USH2A: variants seen among roughly 807,000 people sequenced by gnomAD.
USH2A encodes the protein Usher syndrome 2A (autosomal recessive, mild).
Under a neutral mutation model 538.9 loss-of-function variants are expected in USH2A, and 443 were observed. The observed-to-expected ratio is 0.82, with a 90% CI of 0.76 to 0.89. USH2A has a LOEUF of 0.89. USH2A is among the 40% of genes least tolerant of loss of function. USH2A has a pLI of 0.00. For missense variants in USH2A, 6,633 were observed against 6,324.8 expected (o/e 1.05, Z -1.65); for synonymous variants, 2,413 against 2,273.5 (o/e 1.06, Z -1.75).
intron 64 of USH2A, among the ~76,000 whole-genome samples, chr1:215,670,590 G>A (rs573568862): frequency 1.3e-5 from 2 of 152,206 alleles, no homozygotes; most frequent in African/African-American, 4.8e-5. Context: ...GGCTAGAGAT[G>A]TTTGCTATTT....
At chr1:215,874,083 A>T (rs1011643847) in intron 43 of USH2A, among the ~76,000 whole-genome samples, 7 of 152,176 alleles carry the variant, frequency 4.6e-5, no homozygotes, top group African/African-American at 1.7e-4. Flanking sequence ...AAAATTGTGA[A>T]GGTAGATTGA....
chr1:216,349,998 C>T (rs1029342409), intron 4 of USH2A, among the ~76,000 whole-genome samples: 2 of 152,074 alleles, frequency 1.3e-5, no homozygotes, highest in Non-Finnish European at 2.9e-5. Flanking sequence ...AAGGATAGTG[C>T]TAATATCTGT....
rs1222734736 is a variant in USH2A at position 216,312,524 on chromosome 1, GAC to G, written c.1644+9357_1644+9358del. On this transcript the variant is annotated intron_variant, in intron 9 of 71. Transcript: ENST00000307340. ...CCTTTCTATTTTGGTAGTCTCTATT[GAC>G]ACATCTTCAAACTCAGATTCTTTTA... Among the ~76,000 whole-genome samples, 5 of 151,646 alleles carry G rather than the reference GAC, an allele frequency of 3.3e-5. No homozygotes were observed. The East Asian group carries it at 9.7e-4, about 29-fold the overall frequency.
chr1:216,355,111 C>G (rs2038358579), intron 4 of USH2A, among the ~76,000 whole-genome samples: 1 of 151,820 alleles, frequency 6.6e-6, no homozygotes, highest in African/African-American at 2.4e-5. Context: ...AGTTCGAGAC[C>G]AGCCTGGCCA....
intron 21 of USH2A, among the ~76,000 whole-genome samples, chr1:216,150,189 C>T (rs1439625181): frequency 3.3e-5 from 5 of 152,132 alleles, no homozygotes; most frequent in African/African-American, 1.2e-4. Context: ...ATGCCCTACT[C>T]TTGTTTACAC....
chr1:215,782,904 CTCATATG>C lies in USH2A; in HGVS notation c.10412_10418del (p.Thr3471SerfsTer18), dbSNP rs1558095849. ...AGCTGTTCCAGGCAGAAATCCTGTACTCATATGTCATGTAGGGCTTGAGGTTCACATC... is the reference window on the plus strand; with the variant it reads ...AGCTGTTCCAGGCAGAAATCCTGTACTCATGTAGGGCTTGAGGTTCACATC... On this transcript the variant is annotated frameshift_variant, in exon 53 of 72. Transcript: ENST00000307340. LOFTEE classifies it high-confidence loss of function. The C allele has an allele frequency of 6.2e-7, 1 of 1,613,480 alleles. No individual in the cohort carries two copies. The highest frequency in any genetic ancestry group is 1.3e-5 in the African/African-American group (1 of 74,830).
At chr1:216,304,820 T>G (rs912681522) in intron 9 of USH2A, among the ~76,000 whole-genome samples, 1 of 151,996 alleles carries the variant, frequency 6.6e-6, no homozygotes, top group South Asian at 2.1e-4. Context: ...TGTATTTGCA[T>G]GGTTTTGAGG....
chr1:215,988,867 C>T (rs1427701612), intron 35 of USH2A, among the ~76,000 whole-genome samples: 1 of 152,078 alleles, frequency 6.6e-6, no homozygotes, highest in Non-Finnish European at 1.5e-5. Flanking sequence ...GGAGCAGGAC[C>T]AGGCTGGGAG....
intron 21 of USH2A, among the ~76,000 whole-genome samples, chr1:216,148,712 C>T (rs2033765437): frequency 6.6e-6 from 1 of 151,874 alleles, no homozygotes; most frequent in African/African-American, 2.4e-5. Context: ...AATTGTTTTG[C>T]CTATACACCC....
chr1:215,904,109 GTC>G (rs1193367664), intron 38 of USH2A, among the ~76,000 whole-genome samples: 34 of 152,178 alleles, frequency 2.2e-4, no homozygotes, highest in African/African-American at 7.2e-4. Context: ...ATAAAACCAT[GTC>G]TCTCTTTTGA....
At chr1:215,662,372 T>C (rs933051425) in intron 64 of USH2A, among the ~76,000 whole-genome samples, 11 of 152,010 alleles carry the variant, frequency 7.2e-5, no homozygotes, top group African/African-American at 2.7e-4. Context: ...TAAATCTGAG[T>C]TGCATCTGCA....
chr1:216,139,336 G>T (rs2033554091), intron 21 of USH2A, among the ~76,000 whole-genome samples: 1 of 151,182 alleles, frequency 6.6e-6, no homozygotes, highest in African/African-American at 2.4e-5. Flanking sequence ...CTAGGCACAG[G>T]CTGTTAAAAA....
chr1:215,693,589 C>T (rs1178737484), intron 61 of USH2A, among the ~76,000 whole-genome samples: 14 of 152,034 alleles, frequency 9.2e-5, no homozygotes, highest in Admixed American at 8.5e-4. Context: ...ACTGAAGATC[C>T]CAAAGAACTT....
At chr1:216,040,442 G>A (rs547897431) in intron 32 of USH2A, among the ~76,000 whole-genome samples, 23 of 152,100 alleles carry the variant, frequency 1.5e-4, no homozygotes, top group Admixed American at 1.2e-3. Flanking sequence ...TCCTTGCCGG[G>A]TTTGGTGGAG....
chr1:215,822,557 T>C (rs1476246275), intron 47 of USH2A, among the ~76,000 whole-genome samples: 1 of 151,958 alleles, frequency 6.6e-6, no homozygotes, highest in Non-Finnish European at 1.5e-5. Context: ...TAAGAGCATG[T>C]CATCTGTTAA....
At chr1:215,762,541 A>G (rs187090951) in intron 56 of USH2A, among the ~76,000 whole-genome samples, 27 of 152,298 alleles carry the variant, frequency 1.8e-4, no homozygotes, top group Non-Finnish European at 3.4e-4. Flanking sequence ...TTGATTGATA[A>G]TATGGAGTTC....
At chr1:216,319,998 T>C (rs1249450612) in intron 9 of USH2A, among the ~76,000 whole-genome samples, 1 of 152,140 alleles carries the variant, frequency 6.6e-6, no homozygotes, top group African/African-American at 2.4e-5. Flanking sequence ...AGTGCTACCA[T>C]CTGAAAAGCT....
intron 32 of USH2A, among the ~76,000 whole-genome samples, chr1:216,026,864 G>A (rs1668979669): frequency 6.6e-6 from 1 of 152,076 alleles, no homozygotes; most frequent in Non-Finnish European, 1.5e-5. Flanking sequence ...TAGTCAGATG[G>A]TTATATTTTC....
At chr1:215,725,384 C>G (rs11807729) in intron 61 of USH2A, among the ~76,000 whole-genome samples, 1 of 152,136 alleles carries the variant, frequency 6.6e-6, no homozygotes, top group East Asian at 1.9e-4. Flanking sequence ...CACAAAAACA[C>G]TAGTTCATTT....
Sources: gnomAD v4.1 joint callset for allele counts (sites outside exome capture counted in the v4.1 genomes callset) on GRCh38, gnomAD v4.1.1 for gene constraint, MANE v1.5 for transcripts, NCBI Gene and HGNC (gene_info 2026-07-23, HGNC 2026-07-21) for gene names.